ANOS1: variants seen among roughly 807,000 people sequenced by gnomAD.
ANOS1 encodes anosmin-1.
ANOS1 carries 6 observed loss-of-function variants against 59.0 expected under a neutral mutation model. The ratio of observed to expected loss-of-function variants is 0.10; its 90% CI spans 0.06 to 0.20. The LOEUF (loss-of-function observed/expected upper bound fraction) is 0.20. Among genes scored for constraint, ANOS1 ranks in the 10% least tolerant of loss-of-function variants. The probability of loss-of-function intolerance (pLI) is 1.00; values close to 1 mark genes in which losing one functional copy is unlikely to be tolerated. For synonymous variants in ANOS1, 217 were observed against 223.4 expected (o/e 0.97, Z 0.25); for missense variants, 433 against 542.3 (o/e 0.80, Z 2.00).
intron 9 of ANOS1, among the ~76,000 whole-genome samples, chrX:8,545,061 C>CAAAAAAA (rs759787339): frequency 5.9e-4 from 12 of 20,463 alleles, no homozygotes; most frequent in East Asian, 1.6e-3. Flanking sequence ...AGAGAAACTC[C>CAAAAAAA]AAAAAAAAAA....
chrX:8,590,262 G>T (rs1930593219), intron 4 of ANOS1, among the ~76,000 whole-genome samples: 1 of 111,599 alleles, frequency 9.0e-6, no homozygotes, highest in South Asian at 3.7e-4. Flanking sequence ...TTAATTTTTT[G>T]TCACAGATAT....
intron 9 of ANOS1, among the ~76,000 whole-genome samples, chrX:8,549,481 T>C (rs1929822743): frequency 1.8e-5 from 2 of 112,579 alleles, no homozygotes; most frequent in South Asian, 3.6e-4. Flanking sequence ...GTATTGCAAA[T>C]TGGACAATTA....
At chrX:8,667,639 T>C (rs1311681734) in intron 2 of ANOS1, among the ~76,000 whole-genome samples, 1 of 111,566 alleles carries the variant, frequency 9.0e-6, no homozygotes, top group East Asian at 2.8e-4. Flanking sequence ...TCACACACCC[T>C]TTGTTCATTT....
intron 2 of ANOS1, among the ~76,000 whole-genome samples, chrX:8,664,582 T>C (rs1287817757): frequency 2.7e-5 from 3 of 110,604 alleles, no homozygotes; most frequent in Admixed American, 9.6e-5. Context: ...TATGCGTGCA[T>C]GCACACACAC....
intron 2 of ANOS1, among the ~76,000 whole-genome samples, chrX:8,624,011 CTTTTTTTTTTT>C (rs566769185): frequency 1.4e-5 from 1 of 69,414 alleles, no homozygotes; most frequent in Non-Finnish European, 2.8e-5. Context: ...CTTTTCTTTT[CTTTTTTTTTTT>C]TTTTTTTTTT....
intron 1 of ANOS1, among the ~76,000 whole-genome samples, chrX:8,718,311 C>G (rs1932853334): frequency 9.1e-6 from 1 of 110,361 alleles, no homozygotes; most frequent in African/African-American, 3.3e-5. Flanking sequence ...ATTCTCCCAC[C>G]TCAGCCTCCC....
At chrX:8,609,763 T>C (rs1931009567) in intron 3 of ANOS1, among the ~76,000 whole-genome samples, 1 of 110,457 alleles carries the variant, frequency 9.1e-6, no homozygotes, top group South Asian at 3.9e-4. Context: ...ATCCCAGCAC[T>C]TTGGGAGGCC....
intron 3 of ANOS1, among the ~76,000 whole-genome samples, chrX:8,620,586 G>C (rs997051233): frequency 8.9e-6 from 1 of 111,762 alleles, no homozygotes; most frequent in Non-Finnish European, 1.9e-5. Context: ...TAAAAATGCT[G>C]AAACAGCCAT....
At chrX:8,680,271 T>C (rs1932404328) in intron 2 of ANOS1, among the ~76,000 whole-genome samples, 1 of 108,915 alleles carries the variant, frequency 9.2e-6, no homozygotes. Context: ...CAGGCTGGGC[T>C]GCAATGATGT....
At chrX:8,656,008 A>G (rs1439836326) in intron 2 of ANOS1, among the ~76,000 whole-genome samples, 2 of 112,247 alleles carry the variant, frequency 1.8e-5, no homozygotes, top group East Asian at 2.8e-4. Context: ...TCCTAGAATC[A>G]ATACCCAACA....
rs754214725 is a variant in ANOS1, at chrX:8,587,845, A to G, written c.675T>C (p.Tyr225=). Residue 225 remains tyrosine (Y), a synonymous_variant, in exon 5 of 14, where the codon TAT becomes TAC. Coordinates refer to ENST00000262648, the MANE Select transcript of ANOS1 (RefSeq NM_000216.4). ...CGTCATCTTCGCTAGGATGGATTCC[A>G]TAATTCCATCTTCTTTGTACCACAT... The part of the protein sequence containing the change: ...VIYVVQRRWN[Y]GIHPSEDDAT... The G allele has an allele frequency of 3.3e-6, 4 of 1,206,873 alleles. No homozygotes were observed. The South Asian group carries it at 5.3e-5, about 16-fold the overall frequency.
intron 9 of ANOS1, among the ~76,000 whole-genome samples, chrX:8,544,735 G>T (rs1239169324): frequency 9.1e-6 from 1 of 109,701 alleles, no homozygotes; most frequent in Non-Finnish European, 1.9e-5. Context: ...GGGCAACATA[G>T]CAAGACCGCA....
intron 13 of ANOS1, among the ~76,000 whole-genome samples, 157 bp downstream of exon 13, chrX:8,534,162 C>T (rs1255168170): frequency 1.8e-5 from 2 of 110,091 alleles, no homozygotes; most frequent in African/African-American, 3.3e-5. Flanking sequence ...TCTAGTAAGT[C>T]GGTACAAACA....
intron 2 of ANOS1, among the ~76,000 whole-genome samples, chrX:8,692,731 G>A (rs1932625957): frequency 9.0e-6 from 1 of 110,776 alleles, no homozygotes; most frequent in Admixed American, 9.6e-5. Context: ...AAATTCCCCA[G>A]TTTATCTACA....
intron 1 of ANOS1, among the ~76,000 whole-genome samples, chrX:8,705,389 C>T (rs893050742): frequency 3.6e-5 from 4 of 111,778 alleles, no homozygotes; most frequent in Non-Finnish European, 7.5e-5. Flanking sequence ...ATCCATAGTT[C>T]CTTTTTGGAT....
intron 9 of ANOS1, among the ~76,000 whole-genome samples, chrX:8,542,643 T>C (rs1034452807): frequency 2.0e-4 from 22 of 109,695 alleles, no homozygotes; most frequent in African/African-American, 7.3e-4. Context: ...CAGGGAAGAA[T>C]GTATTTTCAT....
In ANOS1 at chrX:8,699,687, A is replaced by G. The variant is rs1932734193; in HGVS notation, c.255+11T>C. The G allele has an allele frequency of 2.5e-6, 3 of 1,187,810 alleles. No individual in the cohort carries two copies. In the Admixed American group the frequency reaches 6.6e-5, roughly 26 times the overall value. On this transcript the variant is annotated intron_variant, in intron 2 of 13. Transcript: ENST00000262648. Reference sequence around the variant, plus strand: ...TTTTTTGCACCATTCATACAGGTATAGGAAACGTACCTTAGAACATTGCTT... The same window carrying G: ...TTTTTTGCACCATTCATACAGGTATGGGAAACGTACCTTAGAACATTGCTT...
chrX:8,596,930 ATGTTTTT>A, intron 4 of ANOS1, 97 bp downstream of exon 4: 1 of 1,132,642 alleles, frequency 8.8e-7, no homozygotes, highest in African/African-American at 1.8e-5. Context: ...TAAAGATTTT[ATGTTTTT>A]TAGACTTTTC....
At chrX:8,729,390 C>CGTT in intron 1 of ANOS1, among the ~76,000 whole-genome samples, 1 of 94,014 alleles carries the variant, frequency 1.1e-5, no homozygotes, top group Non-Finnish European at 2.1e-5. Flanking sequence ...CACCTTCCTT[C>CGTT]CTTTTTTTTT....
Sources: gnomAD v4.1 joint callset for allele counts (sites outside exome capture counted in the v4.1 genomes callset) on GRCh38, gnomAD v4.1.1 for gene constraint, MANE v1.5 for transcripts, NCBI Gene and HGNC (gene_info 2026-07-23, HGNC 2026-07-21) for gene names.